Variants in CNBD1 observed in about 807,000 individuals in gnomAD.
CNBD1 encodes the protein cyclic nucleotide binding domain containing 1, also known as cyclic nucleotide-binding domain-containing protein 1.
A neutral mutation model predicts 54.4 loss-of-function variants in CNBD1; 71 were observed. That is an observed-to-expected ratio of 1.30 (90% confidence interval 1.08 to 1.59). The LOEUF (loss-of-function observed/expected upper bound fraction) is 1.59. CNBD1 is among the 40% of genes most tolerant of loss of function. The pLI is 0.00. For missense variants in CNBD1, 659 were observed against 518.0 expected, an observed-to-expected ratio of 1.27 and a Z score of -2.64; for synonymous variants, 182 against 170.7, an observed-to-expected ratio of 1.07 and a Z score of -0.51.
intron 2 of CNBD1, among the ~76,000 whole-genome samples, chr8:87,415,984 A>G (rs2130989033): frequency 6.6e-6 from 1 of 151,938 alleles, no homozygotes; most frequent in South Asian, 2.1e-4. Flanking sequence ...GACATTAACA[A>G]AAAAAATTAC....
At chr8:87,142,067 G>C (rs910602046) in intron 4 of CNBD1, among the ~76,000 whole-genome samples, 1 of 152,106 alleles carries the variant, frequency 6.6e-6, no homozygotes, top group Non-Finnish European at 1.5e-5. Context: ...ACTTGAATGT[G>C]TCTGTTTATG....
At chr8:86,998,824 C>T (rs999544143) in intron 4 of CNBD1, among the ~76,000 whole-genome samples, 3 of 152,180 alleles carry the variant, frequency 2.0e-5, no homozygotes, top group Admixed American at 2.0e-4. Context: ...TATGCCCTTC[C>T]ATCCACATTT....
chr8:87,399,199 GTTTCT>G lies in CNBD1; in HGVS notation c.214-29343_214-29339del, dbSNP rs556468062. Among the ~76,000 whole-genome samples, 416 of 152,010 alleles carry G rather than the reference GTTTCT, an allele frequency of 2.7e-3. 1 individual carries two copies. The highest frequency in any genetic ancestry group is 9.6e-3 in the African/African-American group (397 of 41,502). Reference sequence around the variant, plus strand: ...TGGTTATTTTTGTTACTATTGATTTGTTTCTTTTATGTTTAAATATGAGACATGGT... The same window carrying G: ...TGGTTATTTTTGTTACTATTGATTTGTTTATGTTTAAATATGAGACATGGT... On this transcript the variant is annotated intron_variant, in intron 2 of 7. Coordinates refer to the CNBD1 transcript ENST00000521593.
intron 4 of CNBD1, among the ~76,000 whole-genome samples, chr8:87,009,412 TGCCTCA>T (rs1331833508): frequency 6.6e-6 from 1 of 152,132 alleles, no homozygotes. Flanking sequence ...GGGATTCTTC[TGCCTCA>T]GCCTCCCGAG....
chr8:87,262,206 TTA>T (rs1808157223), intron 6 of CNBD1, among the ~76,000 whole-genome samples: 1 of 152,108 alleles, frequency 6.6e-6, no homozygotes, highest in Non-Finnish European at 1.5e-5. Flanking sequence ...TTGTTGAACA[TTA>T]TGTTTTTATT....
intron 4 of CNBD1, among the ~76,000 whole-genome samples, chr8:86,981,200 TCACA>T (rs1426727668): frequency 1.3e-5 from 2 of 152,240 alleles, no homozygotes; most frequent in African/African-American, 2.4e-5. Flanking sequence ...CATTGTGTAC[TCACA>T]CACATTCAAG....
At chr8:87,342,288 A>G (rs957896128) in intron 8 of CNBD1, among the ~76,000 whole-genome samples, 7 of 151,986 alleles carry the variant, frequency 4.6e-5, no homozygotes, top group African/African-American at 7.2e-5. Flanking sequence ...GAAAAAAAAA[A>G]AAAAGAAAAC....
At chr8:87,162,126 A>G (rs1162288953) in intron 4 of CNBD1, among the ~76,000 whole-genome samples, 2 of 152,104 alleles carry the variant, frequency 1.3e-5, no homozygotes, top group Non-Finnish European at 2.9e-5. Context: ...TCTTAGATTA[A>G]TATTTTTTGC....
chr8:87,114,046 TGAG>T (rs1278878140), intron 4 of CNBD1, among the ~76,000 whole-genome samples: 2 of 152,166 alleles, frequency 1.3e-5, no homozygotes, highest in African/African-American at 4.8e-5. Flanking sequence ...ATATTTAAAA[TGAG>T]GTATTATATA....
intron 4 of CNBD1, among the ~76,000 whole-genome samples, chr8:86,977,518 G>GT (rs1312655766): frequency 6.6e-6 from 1 of 151,804 alleles, no homozygotes; most frequent in African/African-American, 2.4e-5. Flanking sequence ...GAAGACTCAA[G>GT]TAAAATCAGA....
At chr8:87,243,921 TTA>T (rs1181839270) in intron 6 of CNBD1, among the ~76,000 whole-genome samples, 3 of 152,224 alleles carry the variant, frequency 2.0e-5, no homozygotes, top group East Asian at 1.9e-4. Context: ...AGTATAAAGT[TTA>T]TGTTTTGTTT....
At chr8:87,409,849 C>T (rs1158583186) in intron 2 of CNBD1, among the ~76,000 whole-genome samples, 1 of 151,840 alleles carries the variant, frequency 6.6e-6, no homozygotes, top group Non-Finnish European at 1.5e-5. Flanking sequence ...ACAGTGAAAC[C>T]CCATCTCTAC....
At chr8:87,294,352 C>G (rs944879384) in intron 8 of CNBD1, among the ~76,000 whole-genome samples, 1 of 152,172 alleles carries the variant, frequency 6.6e-6, no homozygotes, top group African/African-American at 2.4e-5. Context: ...CAGATCTCTA[C>G]CAGAGTGCTC....
chr8:87,389,970 C>T (rs192417993), intron 2 of CNBD1, among the ~76,000 whole-genome samples: 1 of 151,628 alleles, frequency 6.6e-6, no homozygotes, highest in East Asian at 1.9e-4. Context: ...TGATCTTTGA[C>T]AAACCTGAGA....
chr8:87,139,662 G>A (rs1265454154), intron 4 of CNBD1, among the ~76,000 whole-genome samples: 3 of 152,118 alleles, frequency 2.0e-5, no homozygotes, highest in South Asian at 2.1e-4. Context: ...TCTCATGGTA[G>A]ATGGAAGAGG....
intron 4 of CNBD1, among the ~76,000 whole-genome samples, chr8:87,090,661 GAT>G (rs2130678637): frequency 6.6e-6 from 1 of 152,096 alleles, no homozygotes; most frequent in African/African-American, 2.4e-5. Context: ...GATTGAATTT[GAT>G]TAATTTATTT....
chr8:87,125,048 C>T (rs1321155821), intron 4 of CNBD1, among the ~76,000 whole-genome samples: 1 of 151,544 alleles, frequency 6.6e-6, no homozygotes, highest in Non-Finnish European at 1.5e-5. Flanking sequence ...GTTCCATTTA[C>T]AATAGCAACA....
chr8:87,087,209 C>T (rs1026262116), intron 4 of CNBD1, among the ~76,000 whole-genome samples: 20 of 144,512 alleles, frequency 1.4e-4, no homozygotes, highest in African/African-American at 4.6e-4. Context: ...GAGGCACTCC[C>T]CAGTATCTAT....
At chr8:87,295,112 A>G (rs1808856067) in intron 8 of CNBD1, among the ~76,000 whole-genome samples, 1 of 151,934 alleles carries the variant, frequency 6.6e-6, no homozygotes, top group African/African-American at 2.4e-5. Context: ...GATTTCATTA[A>G]CAGTCTCTGA....
Sources: gnomAD v4.1 joint callset for allele counts (sites outside exome capture counted in the v4.1 genomes callset) on GRCh38, gnomAD v4.1.1 for gene constraint, MANE v1.5 for transcripts, NCBI Gene and HGNC (gene_info 2026-07-23, HGNC 2026-07-21) for gene names.